Variants in NRXN3 observed in about 807,000 individuals in gnomAD.
The protein encoded by NRXN3 is neurexin 3, also known as neurexin III.
NRXN3 carries 32 observed loss-of-function variants against 137.6 expected under a neutral mutation model. The ratio of observed to expected loss-of-function variants is 0.23; its 90% CI spans 0.18 to 0.31. NRXN3 has a LOEUF of 0.31. NRXN3 is among the 10% of genes least tolerant of loss of function. NRXN3 has a pLI of 1.00. For synonymous variants in NRXN3, 798 were observed against 784.5 expected (o/e 1.02, Z -0.29); for missense variants, 1,574 against 2,062.5 (o/e 0.76, Z 4.59).
intron 17 of NRXN3, among the ~76,000 whole-genome samples, chr14:79,676,628 A>G (rs2098642244): frequency 6.6e-6 from 1 of 152,012 alleles, no homozygotes; most frequent in Admixed American, 6.6e-5. Context: ...CAATCACTGT[A>G]TGAGATGATG....
intron 8 of NRXN3, among the ~76,000 whole-genome samples, chr14:78,757,296 G>C (rs2098673101): frequency 6.6e-6 from 1 of 151,822 alleles, no homozygotes; most frequent in Admixed American, 6.6e-5. Flanking sequence ...TGTAGTCCCA[G>C]CTACTCAGGA....
chr14:78,843,881 G>T (rs1166656618), intron 10 of NRXN3, among the ~76,000 whole-genome samples: 1 of 152,082 alleles, frequency 6.6e-6, no homozygotes, highest in African/African-American at 2.4e-5. Flanking sequence ...ACATTCTCAG[G>T]TCTGCAGCCT....
At chr14:78,317,566 T>C (rs1165674761) in intron 4 of NRXN3, among the ~76,000 whole-genome samples, 3 of 152,198 alleles carry the variant, frequency 2.0e-5, no homozygotes, top group African/African-American at 7.2e-5. Flanking sequence ...AAAAGTATCT[T>C]CCATGAAATT....
At chr14:79,767,194 T>C (rs944658227) in intron 19 of NRXN3, among the ~76,000 whole-genome samples, 2 of 152,212 alleles carry the variant, frequency 1.3e-5, no homozygotes, top group Non-Finnish European at 2.9e-5. Flanking sequence ...TATTCTTCAC[T>C]AGGTCTGCCT....
chr14:78,362,251 C>A (rs1339999528), intron 4 of NRXN3, among the ~76,000 whole-genome samples: 6 of 135,624 alleles, frequency 4.4e-5, no homozygotes, highest in African/African-American at 1.7e-4. Context: ...AAAGAAGAAA[C>A]TATAGTTTCT....
intron 19 of NRXN3, among the ~76,000 whole-genome samples, chr14:79,795,805 T>G (rs909239043): frequency 2.6e-5 from 4 of 152,188 alleles, no homozygotes; most frequent in African/African-American, 9.7e-5. Context: ...ATTTGATTGT[T>G]CTGGATAAGT....
chr14:79,706,727 A>G (rs2098781487), intron 19 of NRXN3, among the ~76,000 whole-genome samples: 1 of 152,130 alleles, frequency 6.6e-6, no homozygotes, highest in South Asian at 2.1e-4. Context: ...ATCAGTAGTT[A>G]ATTTTATGCT....
At chr14:78,173,940 A>G (rs1204812182) in intron 1 of NRXN3, among the ~76,000 whole-genome samples, 2 of 150,948 alleles carry the variant, frequency 1.3e-5, no homozygotes, top group Non-Finnish European at 3.0e-5. Context: ...CCTTCCCCCC[A>G]TCTTTGCATG....
intron 10 of NRXN3, among the ~76,000 whole-genome samples, chr14:78,883,196 ATAAAC>A (rs1351641813): frequency 3.3e-5 from 5 of 152,212 alleles, no homozygotes; most frequent in Admixed American, 6.5e-5. Flanking sequence ...CAGTGTGAGA[ATAAAC>A]TAATATATAA....
chr14:78,647,026 A>G (rs1196437385), intron 5 of NRXN3, among the ~76,000 whole-genome samples: 1 of 152,192 alleles, frequency 6.6e-6, no homozygotes. Context: ...CTTTTCATGT[A>G]CTTCAGAGCA....
At position 78,301,969 on chromosome 14, in the gene NRXN3, G is replaced by A. The variant is rs144282169; in HGVS notation, c.757+4109G>A. Among the ~76,000 whole-genome samples, 397 of 152,236 alleles carry A rather than the reference G, an allele frequency of 2.6e-3. 4 individuals are homozygous for A. The highest frequency in any genetic ancestry group is 8.9e-3 in the African/African-American group (371 of 41,538). ...GTTGGTATCTTTTGAAAGGAGGTGG[G>A]TGGGAAAGCAGGGAGAGGAAGAGGA... is the stretch of plus-strand genomic sequence containing the variant. On this transcript the variant is annotated intron_variant, in intron 4 of 20. Transcript: ENST00000335750.
At chr14:78,975,736 C>G (rs2099463029) in intron 14 of NRXN3, among the ~76,000 whole-genome samples, 1 of 152,166 alleles carries the variant, frequency 6.6e-6, no homozygotes, top group Admixed American at 6.5e-5. Context: ...CACATGAAAC[C>G]TCAAAGAGCA....
intron 8 of NRXN3, among the ~76,000 whole-genome samples, chr14:78,728,990 C>G (rs2098501203): frequency 6.6e-6 from 1 of 152,182 alleles, no homozygotes; most frequent in African/African-American, 2.4e-5. Context: ...TTTTTAACCC[C>G]TTTTTAGCCT....
At chr14:78,455,499 G>T (rs2094673442) in intron 4 of NRXN3, among the ~76,000 whole-genome samples, 3 of 152,196 alleles carry the variant, frequency 2.0e-5, no homozygotes, top group Admixed American at 2.0e-4. Context: ...CGTGCTGTTG[G>T]CAGCAGTGCC....
intron 15 of NRXN3, among the ~76,000 whole-genome samples, chr14:79,399,027 A>AAG (rs2095111372): frequency 7.5e-6 from 1 of 133,214 alleles, no homozygotes. Flanking sequence ...AAAAAAAAAA[A>AAG]GAAGAAGAAA....
intron 15 of NRXN3, among the ~76,000 whole-genome samples, chr14:79,227,061 G>A (rs561169153): frequency 5.9e-5 from 9 of 151,916 alleles, no homozygotes; most frequent in East Asian, 1.9e-4. Flanking sequence ...CTCGTGATCC[G>A]CCAGCCTAGG....
intron 4 of NRXN3, among the ~76,000 whole-genome samples, chr14:78,637,308 G>A (rs1314390849): frequency 6.6e-6 from 1 of 152,140 alleles, no homozygotes; most frequent in Non-Finnish European, 1.5e-5. Context: ...TCCTCCCTTT[G>A]TAGGTAAACT....
intron 15 of NRXN3, among the ~76,000 whole-genome samples, chr14:79,220,202 C>T (rs894553364): frequency 1.3e-5 from 2 of 152,180 alleles, no homozygotes; most frequent in Non-Finnish European, 2.9e-5. Flanking sequence ...GAGAAATCAT[C>T]CTTCAGCACT....
chr14:78,248,222 G>A (rs533529916), intron 2 of NRXN3, among the ~76,000 whole-genome samples: 29 of 150,570 alleles, frequency 1.9e-4, no homozygotes, highest in Non-Finnish European at 2.8e-4. Context: ...GTGTCGTGGT[G>A]GGTGTTGGTG....
Sources: allele counts gnomAD v4.1 joint callset (sites outside exome capture counted in the v4.1 genomes callset), GRCh38; gene constraint gnomAD v4.1.1; transcripts MANE v1.5; gene names NCBI Gene and HGNC (gene_info 2026-07-23, HGNC 2026-07-21).